FGF10: variants seen among roughly 807,000 people sequenced by gnomAD.
FGF10 encodes fibroblast growth factor 10.
A neutral mutation model predicts 19.8 loss-of-function variants in FGF10; 2 were observed. The ratio of observed to expected loss-of-function variants is 0.10; its 90% CI spans 0.04 to 0.32. The LOEUF is 0.32. Among genes scored for constraint, FGF10 ranks in the 10% least tolerant of loss-of-function variants. FGF10 has a pLI of 1.00. For missense variants in FGF10, 191 were observed against 246.3 expected, an observed-to-expected ratio of 0.78 and a Z score of 1.50; for synonymous variants, 112 against 94.0, an observed-to-expected ratio of 1.19 and a Z score of -1.10.
chr5:44,304,906 C>T lies in FGF10; in HGVS notation c.*89G>A, dbSNP rs1740040398. On this transcript the variant is annotated 3_prime_UTR_variant, in exon 3 of 3. Coordinates refer to ENST00000264664, the MANE Select transcript of FGF10 (RefSeq NM_004465.2). ...AGCAGACATCTGCAACGTGTCTTTG[C>T]CTTTCAATCTACTGTCTTCATGAAG... 7.4e-7 allele frequency: 1 copy of T among 1,342,666 alleles called. No individual in the cohort carries two copies. Among genetic ancestry groups the T allele is most frequent in the South Asian group, 1.2e-5 (1 of 84,912 alleles). The allele number at this position is 1,342,666 out of a possible 1,614,324, so 83.2% of individuals were successfully genotyped here. A position where few individuals can be genotyped will look rare whatever the true frequency, so the allele number is the denominator to read the frequency against.
intron 1 of FGF10, among the ~76,000 whole-genome samples, chr5:44,380,295 A>G (rs1333540065): frequency 1.3e-5 from 2 of 152,234 alleles, no homozygotes; most frequent in Non-Finnish European, 2.9e-5. Context: ...TTATTAAAAC[A>G]TAAATTTAAC....
chr5:44,359,985 C>T (rs900593056), intron 1 of FGF10, among the ~76,000 whole-genome samples: 2 of 151,524 alleles, frequency 1.3e-5, no homozygotes, highest in African/African-American at 4.8e-5. Flanking sequence ...AACTGAATCA[C>T]CTTGGAATAC....
intron 1 of FGF10, among the ~76,000 whole-genome samples, chr5:44,385,972 C>T (rs533263752): frequency 1.2e-4 from 18 of 152,144 alleles, no homozygotes; most frequent in Non-Finnish European, 2.6e-4. Flanking sequence ...GTGAACCCCT[C>T]CCCTTTCACT....
intron 1 of FGF10, among the ~76,000 whole-genome samples, chr5:44,360,757 A>G (rs1477785908): frequency 6.6e-6 from 1 of 151,692 alleles, no homozygotes; most frequent in East Asian, 1.9e-4. Flanking sequence ...TGTAATTAAT[A>G]TTTGCAAGGC....
At chr5:44,351,436 T>C (rs1372683025) in intron 1 of FGF10, among the ~76,000 whole-genome samples, 1 of 151,642 alleles carries the variant, frequency 6.6e-6, no homozygotes, top group African/African-American at 2.4e-5. Context: ...TCCCATTTGA[T>C]AGAATCTTTT....
At chr5:44,388,313 G>A in intron 1 of FGF10, 45 bp downstream of exon 1, 1 of 1,566,278 alleles carries the variant, frequency 6.4e-7, no homozygotes, top group Non-Finnish European at 8.8e-7. Flanking sequence ...CGTGTGGGCT[G>A]GGGGTGGATA....
chr5:44,382,157 C>T (rs978909063), intron 1 of FGF10, among the ~76,000 whole-genome samples: 7 of 152,118 alleles, frequency 4.6e-5, no homozygotes, highest in South Asian at 2.1e-4. Context: ...ATTGGATGCA[C>T]GTGTTAGCGG....
intron 2 of FGF10, among the ~76,000 whole-genome samples, chr5:44,309,173 G>A (rs1740152095): frequency 6.6e-6 from 1 of 151,888 alleles, no homozygotes; most frequent in East Asian, 1.9e-4. Context: ...TTTATTTCTG[G>A]CCATATATAA....
At chr5:44,363,551 A>G (rs1410390711) in intron 1 of FGF10, among the ~76,000 whole-genome samples, 4 of 151,866 alleles carry the variant, frequency 2.6e-5, no homozygotes, top group Non-Finnish European at 5.9e-5. Flanking sequence ...GAAACTTCCC[A>G]TGAAATGTCT....
chr5:44,379,377 C>A (rs1741938898), intron 1 of FGF10, among the ~76,000 whole-genome samples: 3 of 152,184 alleles, frequency 2.0e-5, no homozygotes, highest in Admixed American at 2.0e-4. Flanking sequence ...AATATACGAT[C>A]TCATTTCATC....
intron 2 of FGF10, among the ~76,000 whole-genome samples, chr5:44,310,053 C>T (rs1021934875): frequency 5.9e-5 from 9 of 152,236 alleles, no homozygotes; most frequent in Non-Finnish European, 8.8e-5. Flanking sequence ...TCAGCCGTAA[C>T]GCATATATAA....
chr5:44,344,066 T>C (rs1308143534), intron 1 of FGF10, among the ~76,000 whole-genome samples: 1 of 151,750 alleles, frequency 6.6e-6, no homozygotes, highest in Non-Finnish European at 1.5e-5. Context: ...GAACTAGAGG[T>C]GAACAAATGT....
chr5:44,366,935 C>A (rs1448491107), intron 1 of FGF10, among the ~76,000 whole-genome samples: 2 of 151,938 alleles, frequency 1.3e-5, no homozygotes, highest in Admixed American at 6.6e-5. Flanking sequence ...ATGTCAGCAA[C>A]CCTAAGTTAA....
chr5:44,338,589 C>G (rs868234194), intron 1 of FGF10, among the ~76,000 whole-genome samples: 4 of 152,244 alleles, frequency 2.6e-5, no homozygotes, highest in East Asian at 1.9e-4. Context: ...TTTAAAAGAT[C>G]AGCAAAGCTT....
chr5:44,344,187 AAC>A, intron 1 of FGF10, among the ~76,000 whole-genome samples: 1 of 152,026 alleles, frequency 6.6e-6, no homozygotes, highest in African/African-American at 2.4e-5. Context: ...TGAGACTGAA[AAC>A]ACAGAAAAGC....
At chr5:44,337,524 T>A (rs573170109) in intron 1 of FGF10, among the ~76,000 whole-genome samples, 1 of 152,206 alleles carries the variant, frequency 6.6e-6, no homozygotes, top group Non-Finnish European at 1.5e-5. Context: ...ACAAAAATAA[T>A]CTACTGAAAA....
intron 1 of FGF10, among the ~76,000 whole-genome samples, chr5:44,348,546 A>T (rs769205222): frequency 2.6e-5 from 4 of 151,562 alleles, no homozygotes; most frequent in African/African-American, 9.7e-5. Flanking sequence ...TATCACTCCC[A>T]TCCCAGATAA....
intron 1 of FGF10, among the ~76,000 whole-genome samples, chr5:44,354,570 C>T (rs991626799): frequency 1.3e-5 from 2 of 151,284 alleles, no homozygotes; most frequent in African/African-American, 4.8e-5. Context: ...AGCATCACCG[C>T]GCAGATGTAA....
At chr5:44,329,729 C>A (rs1370490388) in intron 1 of FGF10, among the ~76,000 whole-genome samples, 3 of 152,188 alleles carry the variant, frequency 2.0e-5, no homozygotes, top group Non-Finnish European at 4.4e-5. Flanking sequence ...TGGTCTCCAA[C>A]ACAAAACAGC....
Sources: allele counts gnomAD v4.1 joint callset (sites outside exome capture counted in the v4.1 genomes callset), GRCh38; gene constraint gnomAD v4.1.1; transcripts MANE v1.5; gene names NCBI Gene and HGNC (gene_info 2026-07-23, HGNC 2026-07-21).